Variants in PREPL observed in about 807,000 individuals in gnomAD.
The protein encoded by PREPL is prolyl endopeptidase like, also known as prolyl endopeptidase-like.
In PREPL, 77 loss-of-function variants were observed where a neutral mutation model predicts 70.6. The observed-to-expected ratio is 1.09, with a 90% confidence interval of 0.91 to 1.32. The LOEUF is 1.32. PREPL is among the 40% of genes most tolerant of loss of function. The pLI, the probability that PREPL is intolerant of heterozygous loss-of-function variation, is 0.00. For synonymous variants in PREPL, 315 were observed against 264.8 expected, an observed-to-expected ratio of 1.19 and a Z score of -1.84; for missense variants, 1,002 against 778.2, an observed-to-expected ratio of 1.29 and a Z score of -3.42.
At chr2:44,328,815 A>G in intron 9 of PREPL, 122 bp downstream of exon 9, 1 of 1,016,130 alleles carries the variant, frequency 9.8e-7, no homozygotes, top group South Asian at 1.9e-5. Flanking sequence ...TGGTTTAGGA[A>G]TACAAAAATT....
At chr2:44,346,464 G>A in intron 1 of PREPL, 74 bp from the exon 2 acceptor site, 1 of 1,348,278 alleles carries the variant, frequency 7.4e-7, no homozygotes, top group East Asian at 2.3e-5. Context: ...AAGATAAGTA[G>A]GTCTATACCG....
intron 1 of PREPL, chr2:44,359,816 T>A (rs534069727): frequency 6.5e-6 from 5 of 769,102 alleles, no homozygotes; most frequent in South Asian, 1.7e-5. Flanking sequence ...GTAACTAAGA[T>A]CAGCAGTTCT....
chr2:44,323,340 T>C lies in PREPL; in HGVS notation c.1551A>G (p.Glu517=). The change falls in exon 11 of 14, where the codon GAA becomes GAG. Residue 517 remains glutamate, a synonymous_variant. Transcript: ENST00000409411. Reference sequence around the variant, plus strand: ...TTTCATCAGATGAAGGATTCCCCCATTCTTCTAATTCTTCTAATGTCAGAG... The same window carrying C: ...TTTCATCAGATGAAGGATTCCCCCACTCTTCTAATTCTTCTAATGTCAGAG... ...TLPLTLEELE[E]WGNPSSDEKH... is the part of the protein sequence containing the mutation. 6.3e-7 allele frequency: 1 copy of C among 1,599,850 alleles called. No homozygotes were observed. Among genetic ancestry groups the C allele is most frequent in the South Asian group, 1.1e-5 (1 of 90,706 alleles).
chr2:44,331,191 G>A (rs896233530), intron 8 of PREPL, among the ~76,000 whole-genome samples: 1 of 152,092 alleles, frequency 6.6e-6, no homozygotes, highest in African/African-American at 2.4e-5. Flanking sequence ...GATCCTCCCA[G>A]CTTGGCCTCC....
At chr2:44,357,113 C>T (rs1002841990) in intron 1 of PREPL, among the ~76,000 whole-genome samples, 10 of 152,184 alleles carry the variant, frequency 6.6e-5, no homozygotes, top group Admixed American at 6.6e-5. Flanking sequence ...ATCAGAACTC[C>T]CTATTTTTTT....
Position 44,346,247 on chromosome 2 carries a change from TA to T in PREPL, c.75+20del, listed in dbSNP as rs1356966545. The T allele has an allele frequency of 6.3e-7, 1 of 1,589,336 alleles. No individual in the cohort carries two copies. Among genetic ancestry groups the T allele is most frequent in the African/African-American group, 1.4e-5 (1 of 73,360 alleles). On this transcript the variant is annotated intron_variant, in intron 2 of 13. Transcript: ENST00000409411. ...ATTGGTAATATCAAAAATTTTTTTT[TA>T]AAGACATGAGATATCTTACTTCCAC...
At chr2:44,323,477 T>C in intron 10 of PREPL, 66 bp from the exon 11 acceptor site, 1 of 1,316,636 alleles carries the variant, frequency 7.6e-7, no homozygotes, top group Non-Finnish European at 1.0e-6. Flanking sequence ...CAGAAAAACA[T>C]TCTATTTTAT....
intron 5 of PREPL, among the ~76,000 whole-genome samples, chr2:44,340,863 G>C (rs1212203962): frequency 6.6e-6 from 1 of 151,662 alleles, no homozygotes; most frequent in East Asian, 1.9e-4. Context: ...GGGACGCAGA[G>C]GTTGCAGTGA....
At chr2:44,332,748 G>A (rs1674248192) in intron 7 of PREPL, 92 bp from the exon 8 acceptor site, 2 of 1,015,394 alleles carry the variant, frequency 2.0e-6, no homozygotes, top group Non-Finnish European at 2.8e-6. Context: ...AAGATGATGT[G>A]GATATCTCGT....
intron 4 of PREPL, 103 bp from the exon 5 acceptor site, chr2:44,342,655 T>C (rs1047105698): frequency 4.4e-6 from 4 of 900,576 alleles, no homozygotes; most frequent in Non-Finnish European, 3.4e-6. Flanking sequence ...TGAGAACATG[T>C]GCAAGTTTAT....
rs1572892572 is a variant in PREPL, at chr2:44,342,565, A to G, written c.350-13T>C. On this transcript the variant is annotated splice_polypyrimidine_tract_variant and intron_variant, in intron 4 of 13. Transcript: ENST00000409411. ...TCCTTTACCCATTCTGAAAGAAAAT[A>G]ATGAGATAATTATACATAATCACCT... The G allele has an allele frequency of 7.3e-7, 1 of 1,364,428 alleles. No individual in the cohort carries two copies. Among genetic ancestry groups the G allele is most frequent in the Non-Finnish European group, 9.6e-7 (1 of 1,037,446 alleles). 84.5% of individuals were successfully genotyped at this position (1,364,428 alleles called of 1,614,324 possible).
Position 44,343,954 on chromosome 2 carries a change from G to A in PREPL, c.143-3C>T, listed in dbSNP as rs545943181. 6.2e-7 allele frequency: 1 copy of A among 1,611,372 alleles called. No homozygotes were observed. The highest frequency in any genetic ancestry group is 8.5e-7 in the Non-Finnish European group (1 of 1,179,282). On this transcript the variant is annotated splice_polypyrimidine_tract_variant and splice_region_variant and intron_variant, in intron 3 of 13. Coordinates refer to ENST00000409411, the MANE Select transcript of PREPL (RefSeq NM_001171613.2). ...AACTTCATAATTATCATTGTCTGCT[G>A]TATAAAGAAAAATACGAAAGTGATA...
rs1334629381 is a variant in PREPL at position 44,320,999 on chromosome 2, T to C, written c.*357A>G. On this transcript the variant is annotated 3_prime_UTR_variant, in exon 14 of 14. Coordinates refer to ENST00000409411, the MANE Select transcript of PREPL (RefSeq NM_001171613.2). ...GAGGATGACTCACTGCCACAGTGTC[T>C]AAAAGCATTTGCTAGCAAAGAGGCA... The C allele has an allele frequency of 1.0e-5, 4 of 387,570 alleles. No individual in the cohort carries two copies. The highest frequency in any genetic ancestry group is 1.9e-5 in the Non-Finnish European group (4 of 211,076). 24.0% of individuals were successfully genotyped at this position (387,570 alleles called of 1,614,324 possible).
intron 4 of PREPL, among the ~76,000 whole-genome samples, chr2:44,342,829 A>G (rs1675375048): frequency 6.6e-6 from 1 of 152,212 alleles, no homozygotes; most frequent in Non-Finnish European, 1.5e-5. Flanking sequence ...ATATTTAGGA[A>G]AGACATTGGT....
In PREPL at chr2:44,343,816, G is replaced by T. The variant is rs537444624; in HGVS notation, c.278C>A (p.Ser93Tyr). Residue 93 changes from serine to tyrosine, a missense_variant, in exon 4 of 14, where the codon TCT (serine) becomes TAT (tyrosine). Ser to Tyr is a moderately radical substitution (Grantham distance 144). Transcript: ENST00000409411. ...AKIRTEDSEA[S>Y]TCVIIKLSDQ... Reference sequence around the variant, plus strand: ...GCTGAGCTTTATAATTACACAGGTAGATGCTTCAGAATCTTCAGTTCTTAT... The same window carrying T: ...GCTGAGCTTTATAATTACACAGGTATATGCTTCAGAATCTTCAGTTCTTAT... The T allele has an allele frequency of 6.2e-7, 1 of 1,613,956 alleles. No individual in the cohort carries two copies. The highest frequency in any genetic ancestry group is 1.7e-5 in the Admixed American group (1 of 60,010).
intron 1 of PREPL, among the ~76,000 whole-genome samples, chr2:44,349,295 T>C (rs549104175): frequency 1.3e-5 from 2 of 152,074 alleles, no homozygotes; most frequent in East Asian, 3.9e-4. Flanking sequence ...AGAAAATACA[T>C]GGTAGGTTTG....
intron 1 of PREPL, among the ~76,000 whole-genome samples, chr2:44,354,898 A>G (rs148694886): frequency 2.7e-3 from 406 of 152,304 alleles, no homozygotes; most frequent in Non-Finnish European, 4.3e-3. Flanking sequence ...TAAGATCTGA[A>G]TATCAGTAAG....
At chr2:44,361,852 G>A (rs1249327585), upstream of PREPL, 5 of 1,305,080 alleles carry the variant, frequency 3.8e-6, no homozygotes, top group Non-Finnish European at 4.9e-6. Flanking sequence ...GGAGATGCGA[G>A]TACCGGAAAT....
intron 10 of PREPL, 129 bp downstream of exon 10, chr2:44,326,583 C>T: frequency 1.1e-6 from 1 of 922,344 alleles, no homozygotes; most frequent in Non-Finnish European, 1.7e-6. Context: ...AATCTGCCCA[C>T]CTCAGTTTCC....
Sources: gnomAD v4.1 joint callset for allele counts (sites outside exome capture counted in the v4.1 genomes callset) on GRCh38, gnomAD v4.1.1 for gene constraint, MANE v1.5 for transcripts, NCBI Gene and HGNC (gene_info 2026-07-23, HGNC 2026-07-21) for gene names.